The following TNIK variants were observed in gnomAD, a reference collection of about 807,000 sequenced individuals.
TNIK encodes the protein TRAF2 and NCK interacting kinase.
Under a neutral mutation model 191.3 loss-of-function variants are expected in TNIK, and 49 were observed. The ratio of observed to expected loss-of-function variants is 0.26; its 90% confidence interval spans 0.20 to 0.32. The LOEUF (loss-of-function observed/expected upper bound fraction) is 0.32. TNIK is among the 10% of genes least tolerant of loss of function. TNIK has a pLI of 1.00. For missense variants in TNIK, 1,155 were observed against 1,702.3 expected (o/e 0.68, Z 5.66); for synonymous variants, 594 against 600.9 (o/e 0.99, Z 0.17).
intron 15 of TNIK, among the ~76,000 whole-genome samples, chr3:171,137,108 CTTTTTTTTTTTT>C (rs71176593): frequency 1.9e-5 from 2 of 104,158 alleles, no homozygotes; most frequent in African/African-American, 3.8e-5. Context: ...TTTAAAAATC[CTTTTTTTTTTTT>C]TTTTTTTTTT....
intron 10 of TNIK, 116 bp from the exon 11 acceptor site, chr3:171,161,452 G>A (rs571508326): frequency 2.9e-5 from 23 of 787,670 alleles, no homozygotes; most frequent in Middle Eastern, 4.9e-4. Context: ...TTAACACAGC[G>A]CTGGAACGGT....
At chr3:171,071,195 C>CA in intron 29 of TNIK, 28 bp downstream of exon 29, 1 of 1,545,208 alleles carries the variant, frequency 6.5e-7, no homozygotes, top group Non-Finnish European at 8.7e-7. Context: ...TTAAAAAGCA[C>CA]ATTTTAGATA....
At chr3:171,135,574 C>T (rs542609288) in intron 15 of TNIK, among the ~76,000 whole-genome samples, 2 of 152,272 alleles carry the variant, frequency 1.3e-5, no homozygotes, top group Admixed American at 6.5e-5. Flanking sequence ...ATTATGTTAA[C>T]CACACCCAGG....
At chr3:171,231,009 C>T (rs1337189895) in intron 2 of TNIK, among the ~76,000 whole-genome samples, 1 of 152,208 alleles carries the variant, frequency 6.6e-6, no homozygotes, top group Non-Finnish European at 1.5e-5. Context: ...TGCCAGCATG[C>T]ACTTTGAGAG....
intron 2 of TNIK, among the ~76,000 whole-genome samples, chr3:171,259,849 T>C (rs571988996): frequency 6.6e-6 from 1 of 152,324 alleles, no homozygotes; most frequent in African/African-American, 2.4e-5. Flanking sequence ...ATCCCTCTTC[T>C]TGCCCTCATT....
At chr3:171,176,663 C>T (rs1291191537) in intron 8 of TNIK, among the ~76,000 whole-genome samples, 1 of 152,228 alleles carries the variant, frequency 6.6e-6, no homozygotes, top group African/African-American at 2.4e-5. Flanking sequence ...CTTAGTATCC[C>T]CACTGTGCTA....
At chr3:171,199,520 C>T (rs146947568) in intron 4 of TNIK, among the ~76,000 whole-genome samples, 307 of 152,322 alleles carry the variant, frequency 2.0e-3, no homozygotes, top group Non-Finnish European at 3.3e-3. Flanking sequence ...CTGGGTGAAG[C>T]GATTTACAAA....
At chr3:171,257,339 CA>C (rs1747006562) in intron 2 of TNIK, among the ~76,000 whole-genome samples, 1 of 152,184 alleles carries the variant, frequency 6.6e-6, no homozygotes, top group Admixed American at 6.5e-5. Context: ...TACAGGAGTC[CA>C]AATTTCAGCT....
intron 2 of TNIK, among the ~76,000 whole-genome samples, chr3:171,282,628 G>A (rs1216579911): frequency 6.6e-6 from 1 of 152,114 alleles, no homozygotes; most frequent in East Asian, 1.9e-4. Context: ...ACAGGCATGA[G>A]CCACCACGCC....
At chr3:171,121,375 C>T (rs934330186) in intron 18 of TNIK, among the ~76,000 whole-genome samples, 2 of 152,198 alleles carry the variant, frequency 1.3e-5, no homozygotes, top group African/African-American at 4.8e-5. Context: ...AGTTCCTTCC[C>T]ATACTGACTC....
chr3:171,190,159 G>A (rs936509464), intron 6 of TNIK, among the ~76,000 whole-genome samples: 1 of 152,154 alleles, frequency 6.6e-6, no homozygotes, highest in Non-Finnish European at 1.5e-5. Flanking sequence ...TAACAGATAC[G>A]CCAAAGAGAA....
At chr3:171,181,029 A>C (rs1736587396) in intron 7 of TNIK, among the ~76,000 whole-genome samples, 1 of 152,186 alleles carries the variant, frequency 6.6e-6, no homozygotes, top group African/African-American at 2.4e-5. Flanking sequence ...ATTGATTGAG[A>C]TGAGGTTTCA....
chr3:171,401,053 A>T (rs1306042140), intron 1 of TNIK, among the ~76,000 whole-genome samples: 3 of 152,144 alleles, frequency 2.0e-5, no homozygotes, highest in Non-Finnish European at 2.9e-5. Context: ...GAATACAGGG[A>T]AAAGGGGGTC....
At chr3:171,369,112 CAA>C (rs1224857128) in intron 2 of TNIK, among the ~76,000 whole-genome samples, 2 of 152,130 alleles carry the variant, frequency 1.3e-5, no homozygotes, top group Non-Finnish European at 1.5e-5. Context: ...AGTCTCAACT[CAA>C]GTTTAACTTT....
chr3:171,403,280 G>T (rs1405281547), intron 1 of TNIK, among the ~76,000 whole-genome samples: 1 of 152,116 alleles, frequency 6.6e-6, no homozygotes, highest in Non-Finnish European at 1.5e-5. Flanking sequence ...CTAGTGATGA[G>T]TACGCTGAAA....
chr3:171,322,638 G>A (rs547551286), intron 2 of TNIK, among the ~76,000 whole-genome samples: 3 of 152,032 alleles, frequency 2.0e-5, no homozygotes, highest in South Asian at 2.1e-4. Context: ...TACCATATAC[G>A]CACATATGCA....
intron 3 of TNIK, among the ~76,000 whole-genome samples, chr3:171,213,187 A>C (rs1741051490): frequency 6.6e-6 from 1 of 152,048 alleles, no homozygotes; most frequent in Non-Finnish European, 1.5e-5. Flanking sequence ...GCGCACCTCC[A>C]ATGTCTTACT....
intron 12 of TNIK, among the ~76,000 whole-genome samples, chr3:171,144,780 C>A (rs1003181085): frequency 6.6e-6 from 1 of 152,210 alleles, no homozygotes; most frequent in African/African-American, 2.4e-5. Flanking sequence ...CCCTGCCAAT[C>A]CTCTGGTAAC....
intron 1 of TNIK, among the ~76,000 whole-genome samples, chr3:171,418,122 A>AC (rs1723324083): frequency 1.3e-5 from 2 of 152,168 alleles, no homozygotes; most frequent in East Asian, 3.8e-4. Flanking sequence ...GTCACCTCTC[A>AC]CTTGCCTTCC....
Sources: allele counts gnomAD v4.1 joint callset (sites outside exome capture counted in the v4.1 genomes callset), GRCh38; gene constraint gnomAD v4.1.1; transcripts MANE v1.5; gene names NCBI Gene and HGNC (gene_info 2026-07-23, HGNC 2026-07-21).